Variants in ABHD8 observed in about 807,000 individuals in gnomAD.
ABHD8 encodes abhydrolase domain containing 8, also known as protein ABHD8.
A neutral mutation model predicts 29.3 loss-of-function variants in ABHD8; 10 were observed. That is an observed-to-expected ratio of 0.34 (90% CI 0.21 to 0.58). ABHD8 has a LOEUF of 0.58. Ranked by LOEUF, ABHD8 falls within the 20% of genes least tolerant of loss-of-function variation. The probability of loss-of-function intolerance (pLI) is 0.85; values close to 1 mark genes in which losing one functional copy is unlikely to be tolerated. For missense variants in ABHD8, 556 were observed against 615.3 expected (o/e 0.90, Z 1.02); for synonymous variants, 282 against 274.6 (o/e 1.03, Z -0.27).
intron 4 of ABHD8, 147 bp downstream of exon 4, chr19:17,294,141 C>A: frequency 1.1e-6 from 1 of 951,374 alleles, no homozygotes; most frequent in South Asian, 1.7e-5. Flanking sequence ...GATACAGCAA[C>A]TAGAGGCCAC....
intron 2 of ABHD8, chr19:17,296,068 T>G (rs908623446): frequency 6.6e-6 from 1 of 152,218 alleles, no homozygotes; most frequent in Admixed American, 6.5e-5. Flanking sequence ...GAAGCCAAGA[T>G]TCTTCCCCTG....
intron 2 of ABHD8, among the ~76,000 whole-genome samples, chr19:17,300,629 C>T (rs939099973): frequency 2.0e-5 from 3 of 152,220 alleles, no homozygotes; most frequent in Non-Finnish European, 4.4e-5. Context: ...AGGCGCGTGC[C>T]ACCACGTCTG....
intron 1 of ABHD8, among the ~76,000 whole-genome samples, 180 bp from the exon 2 acceptor site, chr19:17,301,804 G>A (rs558495117): frequency 2.0e-4 from 30 of 151,728 alleles, no homozygotes; most frequent in African/African-American, 7.2e-4. Flanking sequence ...GTGTGTGTGT[G>A]TGTGTTTTTG....
At chr19:17,293,689 T>TG (rs1568346468) in intron 4 of ABHD8, among the ~76,000 whole-genome samples, 1 of 59,074 alleles carries the variant, frequency 1.7e-5, no homozygotes, top group Non-Finnish European at 4.2e-5. Flanking sequence ...TAATGGTTTT[T>TG]GTTTTTTTTT....
In ABHD8 at chr19:17,299,560, C is replaced by CAAAAAA. The variant is rs567760409; in HGVS notation, c.761+1290_761+1295dup. 3.9e-3 allele frequency among the ~76,000 whole-genome samples: 199 copies of CAAAAAA among 51,432 alleles called. 3 individuals carry two copies. Among genetic ancestry groups the CAAAAAA allele is most frequent in the Non-Finnish European group, 5.6e-3 (154 of 27,692 alleles). The allele number at this position is 51,432 out of a possible 152,430, so 33.7% of individuals were successfully genotyped here. A position where few individuals can be genotyped will look rare whatever the true frequency, so the allele number is the denominator to read the frequency against. On this transcript the variant is annotated intron_variant, in intron 2 of 4. Coordinates refer to ENST00000247706, the MANE Select transcript of ABHD8 (RefSeq NM_024527.5). ...TGGGGGACAGAGTGAGACTCCATCT[C>CAAAAAA]AAAAAAAAAAAAAAAAAAAAAAATT...
intron 2 of ABHD8, chr19:17,298,094 T>C (rs953319256): frequency 6.6e-6 from 1 of 151,376 alleles, no homozygotes; most frequent in Non-Finnish European, 1.5e-5. Flanking sequence ...TTTTTTTGTA[T>C]TTTTTAGTAG....
Position 17,292,711 on chromosome 19 carries a change from G to A in ABHD8, c.1270C>T (p.Pro424Ser), listed in dbSNP as rs1394616505. The A allele has an allele frequency of 2.5e-6, 4 of 1,613,240 alleles. No individual in the cohort carries two copies. Among genetic ancestry groups the A allele is most frequent in the Non-Finnish European group, 3.4e-6 (4 of 1,179,862 alleles). ...GGCAGTGGCTCCGGTAGAGCCTTGG[G>A]CGAGGGCTCGGGCTCCCAGAGCAGG... Reference protein sequence around the residue: ...EFLLWEPEPSPKALPEPLPAP... With the variant: ...EFLLWEPEPSSKALPEPLPAP... Residue 424 changes from proline to serine, a missense_variant, in exon 5 of 5, where the codon CCC becomes TCC. By Grantham distance (74) the Pro-to-Ser change is moderately conservative (BLOSUM62 -1). Around this residue, in one of 2 missense-constraint regions of ABHD8, gnomAD observed 270 missense variants for 353.9 expected, o/e 0.76. Transcript: ENST00000247706.
chr19:17,296,069 T>A (rs1036682189), intron 2 of ABHD8: 2 of 152,270 alleles, frequency 1.3e-5, no homozygotes, highest in African/African-American at 4.8e-5. Context: ...AAGCCAAGAT[T>A]CTTCCCCTGG....
intron 2 of ABHD8, among the ~76,000 whole-genome samples, chr19:17,295,090 ATTTTTTTTTTTTTTT>A (rs779607230): frequency 5.0e-5 from 4 of 80,412 alleles, no homozygotes; most frequent in Non-Finnish European, 9.0e-5. Context: ...CACCCAGGTA[ATTTTTTTTTTTTTTT>A]TTTTTTTTTT....
intron 1 of ABHD8, among the ~76,000 whole-genome samples, 184 bp from the exon 2 acceptor site, chr19:17,301,808 G>GTGTGTT (rs1491251074): frequency 7.0e-6 from 1 of 142,496 alleles, no homozygotes; most frequent in African/African-American, 2.5e-5. Flanking sequence ...GTGTGTGTGT[G>GTGTGTT]TTTTTGAGAC....
chr19:17,293,098 CTTT>C (rs71334701), intron 4 of ABHD8, among the ~76,000 whole-genome samples: 7 of 135,994 alleles, frequency 5.1e-5, no homozygotes, highest in Non-Finnish European at 3.1e-5. Flanking sequence ...TCTTTTCTTT[CTTT>C]TTTTTTTTTT....
At position 17,299,436 on chromosome 19, in the gene ABHD8, C is replaced by T. The variant is rs146319633; in HGVS notation, c.761+1420G>A. On this transcript the variant is annotated intron_variant, in intron 2 of 4. Transcript: ENST00000247706. Reference sequence around the variant, plus strand: ...ATTAGCCAGGCATGGTAGCGGGTGCCTGTAGTCCCAGCTACTAGGGAGGCT... The same window carrying T: ...ATTAGCCAGGCATGGTAGCGGGTGCTTGTAGTCCCAGCTACTAGGGAGGCT... Among the ~76,000 whole-genome samples, 1,184 of 151,740 alleles carry T rather than the reference C, an allele frequency of 7.8e-3. 7 individuals are homozygous for T. Among genetic ancestry groups the T allele is most frequent in the African/African-American group, 0.026 (1,087 of 41,332 alleles).
At chr19:17,302,138 T>C (rs35371421) in intron 1 of ABHD8, 54,206 of 152,150 alleles carry the variant, frequency 0.36, 10,005 homozygotes, top group South Asian at 0.42. Flanking sequence ...CCCTCCTGGG[T>C]CACCCTAGTC....
chr19:17,293,681 A>T (rs1416672334), intron 4 of ABHD8, among the ~76,000 whole-genome samples: 4 of 88,100 alleles, frequency 4.5e-5, no homozygotes, highest in Non-Finnish European at 7.6e-5. Context: ...TTATACTTTA[A>T]TGGTTTTTGT....
chr19:17,300,690 C>T (rs2074113222), intron 2 of ABHD8, among the ~76,000 whole-genome samples, 166 bp downstream of exon 2: 1 of 152,100 alleles, frequency 6.6e-6, no homozygotes, highest in East Asian at 1.9e-4. Flanking sequence ...CTTGGCCAGA[C>T]TGTTCCCGAA....
At chr19:17,300,113 C>T (rs1173343073) in intron 2 of ABHD8, among the ~76,000 whole-genome samples, 1 of 151,746 alleles carries the variant, frequency 6.6e-6, no homozygotes, top group Non-Finnish European at 1.5e-5. Flanking sequence ...ACCGTGTTAG[C>T]CAGGATGGTC....
At chr19:17,296,956 A>G (rs926349232) in intron 2 of ABHD8, among the ~76,000 whole-genome samples, 2 of 152,152 alleles carry the variant, frequency 1.3e-5, no homozygotes, top group African/African-American at 4.8e-5. Flanking sequence ...TGGCCTCCCA[A>G]AGTGCTGGGA....
chr19:17,301,810 T>TGTGTG (rs1555721124), intron 1 of ABHD8, among the ~76,000 whole-genome samples, 186 bp from the exon 2 acceptor site: 17 of 119,586 alleles, frequency 1.4e-4, no homozygotes, highest in African/African-American at 5.5e-4. Flanking sequence ...GTGTGTGTGT[T>TGTGTG]TTTGAGACAG....
intron 1 of ABHD8, among the ~76,000 whole-genome samples, 152 bp from the exon 2 acceptor site, chr19:17,301,776 T>TTG (rs10679164): frequency 0.044 from 6,527 of 147,304 alleles, 139 homozygotes; most frequent in South Asian, 0.062. Context: ...ATTTTTTTGT[T>TTG]TGTGTGTGTG....
Sources: allele counts gnomAD v4.1 joint callset (sites outside exome capture counted in the v4.1 genomes callset), GRCh38; gene constraint gnomAD v4.1.1; regional missense constraint gnomAD v4.1.1; transcripts MANE v1.5; gene names NCBI Gene and HGNC (gene_info 2026-07-23, HGNC 2026-07-21).